SOHLH1: variants seen among roughly 807,000 people sequenced by gnomAD.
SOHLH1 encodes spermatogenesis and oogenesis specific basic helix-loop-helix 1.
SOHLH1 carries 23 observed loss-of-function variants against 36.2 expected under a neutral mutation model. That is an observed-to-expected ratio of 0.64 (90% CI 0.46 to 0.90). The LOEUF is 0.90. Ranked by LOEUF, SOHLH1 falls within the 40% of genes least tolerant of loss-of-function variation. The probability of loss-of-function intolerance (pLI) is 0.00; values close to 1 mark genes in which losing one functional copy is unlikely to be tolerated. For synonymous variants in SOHLH1, 289 were observed against 228.3 expected (o/e 1.27, Z -2.40); for missense variants, 608 against 517.0 (o/e 1.18, Z -1.71).
chr9:135,698,609 GC>G (rs1834905294), intron 2 of SOHLH1, 133 bp from the exon 3 acceptor site: 7 of 1,323,118 alleles, frequency 5.3e-6, no homozygotes, highest in Non-Finnish European at 7.5e-6. Context: ...ACTCAGAGCT[GC>G]CCCCGTGGTC....
chr9:135,697,151 T>C (rs1834835750), intron 4 of SOHLH1, among the ~76,000 whole-genome samples: 2 of 152,202 alleles, frequency 1.3e-5, no homozygotes, highest in South Asian at 4.1e-4. Flanking sequence ...CAAATTATCT[T>C]GACTTCAGAA....
rs1369424725 is a variant in SOHLH1 at position 135,698,469 on chromosome 9, T to G, written c.205A>C (p.Met69Leu). 3.7e-6 allele frequency: 6 copies of G among 1,613,120 alleles called. No homozygotes were observed. Among genetic ancestry groups the G allele is most frequent in the Admixed American group, 3.3e-5 (2 of 60,030 alleles). ...CGCAGACGCTCACAGCTCAACGACA[T>G]CCGCTTCCTGGTTCCGGTCAAGAAA... Reference protein sequence around the residue: ...VISERERRKRMSLSCERLRAL... With the variant: ...VISERERRKRLSLSCERLRAL... Residue 69 changes from methionine (M) to leucine (L), a missense_variant, in exon 3 of 8, where the codon ATG (methionine) becomes CTG (leucine). Coordinates refer to ENST00000425225, the MANE Select transcript of SOHLH1 (RefSeq NM_001101677.2).
intron 7 of SOHLH1, 140 bp from the exon 8 acceptor site, chr9:135,693,954 G>A: frequency 7.0e-7 from 1 of 1,435,972 alleles, no homozygotes; most frequent in Non-Finnish European, 9.1e-7. Flanking sequence ...CTGTGATGAG[G>A]TGGGTGAGCT....
upstream of SOHLH1, among the ~76,000 whole-genome samples, chr9:135,701,390 T>A (rs1335156738): frequency 1.3e-5 from 2 of 152,116 alleles, no homozygotes; most frequent in East Asian, 3.9e-4. Context: ...CAGTCCTGGC[T>A]TAGTGAGGGG....
chr9:135,694,140 A>G (rs1834697458), intron 7 of SOHLH1: 2 of 1,434,032 alleles, frequency 1.4e-6, no homozygotes, highest in Non-Finnish European at 1.8e-6. Flanking sequence ...GGAAGAATAC[A>G]GGGCTCCAAG....
intron 4 of SOHLH1, 40 bp downstream of exon 4, chr9:135,697,466 G>T: frequency 1.3e-6 from 2 of 1,597,070 alleles, no homozygotes; most frequent in Non-Finnish European, 1.7e-6. Context: ...TGCTCCCAGG[G>T]TCACCCAGCC....
chr9:135,694,089 G>C (rs1173098329), intron 7 of SOHLH1: 2 of 1,427,728 alleles, frequency 1.4e-6, no homozygotes, highest in East Asian at 2.5e-5. Flanking sequence ...TTGCCGGCCA[G>C]CACGGGCTGG....
At position 135,695,250 on chromosome 9, in the gene SOHLH1, C is replaced by A; in HGVS notation, c.675G>T (p.Leu225=). 2 of 1,596,596 alleles carry A rather than the reference C, an allele frequency of 1.3e-6. No homozygotes were observed. The highest frequency in any genetic ancestry group is 1.7e-6 in the Non-Finnish European group (2 of 1,173,570). Reference sequence around the variant, plus strand: ...GACTCCGGCCTGGGGGCCACGGCACCAGGCTGGAAGGTTCTGGGAGAGAAG... The same window carrying A: ...GACTCCGGCCTGGGGGCCACGGCACAAGGCTGGAAGGTTCTGGGAGAGAAG... ...GLPPFSEPSS[L]VPWPPGRSLP... Residue 225 remains leucine, a synonymous_variant, in exon 6 of 8, where the codon CTG becomes CTT. Coordinates refer to ENST00000425225, the MANE Select transcript of SOHLH1 (RefSeq NM_001101677.2).
intron 3 of SOHLH1, 112 bp downstream of exon 3, chr9:135,698,217 C>T: frequency 6.8e-7 from 1 of 1,481,154 alleles, no homozygotes; most frequent in East Asian, 2.3e-5. Flanking sequence ...GCCGTGGAGA[C>T]CCAGAGGGCT....
chr9:135,699,611 C>T (rs1834963738), upstream of SOHLH1: 3 of 852,522 alleles, frequency 3.5e-6, no homozygotes, highest in Admixed American at 2.0e-5. Flanking sequence ...ATAGCGCATG[C>T]GCTCTAGCCC....
In SOHLH1 at chr9:135,698,634, T is replaced by C. The variant is rs527302326; in HGVS notation, c.198-158A>G. On this transcript the variant is annotated intron_variant, in intron 2 of 7. Transcript: ENST00000425225. ...GCCCCCGTGGTCTGAAGCCCCGAGA[T>C]CCACATCAGAGCACAGCCTGGGCCT... Among the ~76,000 whole-genome samples, 120 of 151,994 alleles carry C rather than the reference T, an allele frequency of 7.9e-4. 1 individual carries two copies. The highest frequency in any genetic ancestry group is 3.6e-3 in the Admixed American group (55 of 15,278).
At chr9:135,700,907 TCCCTAAAG>T (rs1835010010), upstream of SOHLH1, among the ~76,000 whole-genome samples, 1 of 151,998 alleles carries the variant, frequency 6.6e-6, no homozygotes, top group African/African-American at 2.4e-5. Context: ...AGTTTTTGTT[TCCCTAAAG>T]CCCTCGGAAT....
rs539686143 is a variant in SOHLH1 at position 135,697,437 on chromosome 9, CA to C, written c.467+68del. Reference sequence around the variant, plus strand: ...AGGCCACACCCTCCCGAGGACATGCCAGGGGGCTTTGGGTCTGCTGCTCCCA... The same window carrying C: ...AGGCCACACCCTCCCGAGGACATGCCGGGGGCTTTGGGTCTGCTGCTCCCA... On this transcript the variant is annotated intron_variant, in intron 4 of 7. Coordinates refer to ENST00000425225, the MANE Select transcript of SOHLH1 (RefSeq NM_001101677.2). 6.3e-4 allele frequency: 991 copies of C among 1,581,510 alleles called. 24 individuals are homozygous for C. The East Asian group carries it at 0.022, about 35-fold the overall frequency.
upstream of SOHLH1, among the ~76,000 whole-genome samples, chr9:135,700,585 C>T (rs894539557): frequency 1.3e-5 from 2 of 152,154 alleles, no homozygotes; most frequent in African/African-American, 4.8e-5. Flanking sequence ...TGCCACCACA[C>T]GGGGACGTCT....
At chr9:135,694,534 G>T in intron 6 of SOHLH1, 77 bp from the exon 7 acceptor site, 1 of 1,569,976 alleles carries the variant, frequency 6.4e-7, no homozygotes, top group Non-Finnish European at 8.6e-7. Context: ...TTGGGCCCAA[G>T]TCCTGCAAAG....
Position 135,698,356 on chromosome 9 carries a change from G to A in SOHLH1, c.318C>T (p.Ala106=). ...CGTGCTGCTCCTGACTGGGCCCCAG[G>A]GCGCTGGCAAGCCGCAGGAACTGCA... ...MSVQFLRLAS[A]LGPSQEQHAI... Residue 106 remains alanine, a synonymous_variant, in exon 3 of 8, where the codon GCC becomes GCT. Transcript: ENST00000425225. The A allele has an allele frequency of 6.2e-7, 1 of 1,613,032 alleles. No homozygotes were observed. Among genetic ancestry groups the A allele is most frequent in the Non-Finnish European group, 8.5e-7 (1 of 1,180,028 alleles).
At chr9:135,695,003 A>G (rs776873948) in intron 6 of SOHLH1, 47 bp downstream of exon 6, 2 of 1,534,954 alleles carry the variant, frequency 1.3e-6, no homozygotes, top group South Asian at 1.2e-5. Context: ...TCACACACAC[A>G]TGCTCGCTCA....
chr9:135,699,154 C>G (rs1181451176), intron 1 of SOHLH1, 28 bp from the exon 2 acceptor site: 3 of 1,570,674 alleles, frequency 1.9e-6, no homozygotes, highest in Non-Finnish European at 2.6e-6. Context: ...AGCACCGGGC[C>G]CTGAGAACCC....
In SOHLH1 at chr9:135,693,677, A is replaced by C. The variant is rs1175895059; in HGVS notation, c.1084T>G (p.Trp362Gly). The change falls in exon 8 of 8, where the codon TGG (tryptophan) becomes GGG (glycine). Residue 362 changes from tryptophan to glycine, a missense_variant. By Grantham distance (184) the Trp-to-Gly change is radical. Coordinates refer to ENST00000425225, the MANE Select transcript of SOHLH1 (RefSeq NM_001101677.2). ...CCTGCACAGTCCACATCCAGGCCCCACGGCTCCAGAGGGCTGTCCTGGAGC... is the reference window on the plus strand; with the variant it reads ...CCTGCACAGTCCACATCCAGGCCCCCCGGCTCCAGAGGGCTGTCCTGGAGC... Reference protein sequence around the residue: ...QELQDSPLEPWGLDVDCAGLA... With the variant: ...QELQDSPLEPGGLDVDCAGLA... The C allele has an allele frequency of 6.3e-6, 10 of 1,583,270 alleles. No individual in the cohort carries two copies. The highest frequency in any genetic ancestry group is 8.6e-6 in the Non-Finnish European group (10 of 1,165,482).
Sources: allele counts gnomAD v4.1 joint callset (sites outside exome capture counted in the v4.1 genomes callset), GRCh38; gene constraint gnomAD v4.1.1; transcripts MANE v1.5; gene names NCBI Gene and HGNC (gene_info 2026-07-23, HGNC 2026-07-21).